The following ZNF875 variants were observed in gnomAD, a reference collection of about 807,000 sequenced individuals.
The protein encoded by ZNF875 is zinc finger protein 875, also known as HKR1, GLI-Kruppel zinc finger family member.
ZNF875 carries 14 observed loss-of-function variants against 11.2 expected under a neutral mutation model. The ratio of observed to expected loss-of-function variants is 1.26; its 90% CI spans 0.83 to 1.96. The LOEUF (loss-of-function observed/expected upper bound fraction) is 1.96, where lower values mean the gene tolerates loss of function less well. ZNF875 is among the 30% of genes most tolerant of loss of function. The pLI, the probability that ZNF875 is intolerant of heterozygous loss-of-function variation, is 0.00. For missense variants in ZNF875, 752 were observed against 760.4 expected (o/e 0.99, Z 0.13); for synonymous variants, 301 against 281.1 (o/e 1.07, Z -0.71).
At chr19:37,344,919 C>T in intron 2 of ZNF875, 1 of 653,016 alleles carries the variant, frequency 1.5e-6, no homozygotes, top group East Asian at 2.8e-5. Context: ...ACCTGAATAG[C>T]CTTTTTCTCT....
chr19:37,347,649 T>C (rs959328407), intron 3 of ZNF875, 128 bp from the exon 4 acceptor site: 152 of 661,878 alleles, frequency 2.3e-4, no homozygotes, highest in Non-Finnish European at 4.9e-5. Flanking sequence ...ACCCTTCTAC[T>C]TCAGAGAGAG....
chr19:37,352,524 G>A (rs1008211929), intron 4 of ZNF875, among the ~76,000 whole-genome samples: 1 of 152,068 alleles, frequency 6.6e-6, no homozygotes, highest in Admixed American at 6.6e-5. Context: ...GATTACAGAC[G>A]TGAGCCACCA....
chr19:37,362,334 C>G lies in ZNF875; in HGVS notation c.482C>G (p.Ser161Cys). 3 of 1,614,106 alleles carry G rather than the reference C, an allele frequency of 1.9e-6. No individual in the cohort carries two copies. Among genetic ancestry groups the G allele is most frequent in the Non-Finnish European group, 8.5e-7 (1 of 1,180,010 alleles). Residue 161 changes from serine to cysteine, a missense_variant, in exon 5 of 5, where the codon TCC (serine) becomes TGC (cysteine). Ser to Cys is a moderately radical substitution (Grantham distance 112). Coordinates refer to ENST00000392153, the MANE Select transcript of ZNF875 (RefSeq NM_001353803.2). ...KAEWIQEGED[S>C]RLLFGRVSKN... is the part of the protein sequence containing the mutation. ...GAATGGATTCAAGAGGGAGAAGACT[C>G]CAGACTCCTGTTTGGGAGAGTAAGC...
At chr19:37,323,231 G>A (rs1316242556) in intron 2 of ZNF875, among the ~76,000 whole-genome samples, 1 of 151,672 alleles carries the variant, frequency 6.6e-6, no homozygotes, top group African/African-American at 2.4e-5. Flanking sequence ...TTGGCTCACT[G>A]CAACCTCCGT....
chr19:37,345,831 A>G (rs750115525), intron 2 of ZNF875, among the ~76,000 whole-genome samples: 16 of 152,230 alleles, frequency 1.1e-4, no homozygotes, highest in Non-Finnish European at 1.9e-4. Flanking sequence ...GAAGAATCCC[A>G]GTGCTAGATT....
Position 37,363,354 on chromosome 19 carries a change from CAGG to C in ZNF875, c.1503_1505del (p.Gly502del), listed in dbSNP as rs1568674995. On this transcript the variant is annotated inframe_deletion, in exon 5 of 5. Transcript: ENST00000392153. ...CTGAGCACGCACCAGAGGACACACT[CAGG>C]GGAGAAGCCATTTGTATGTGCTGAG... The C allele has an allele frequency of 6.2e-7, 1 of 1,611,080 alleles. No individual in the cohort carries two copies. The highest frequency in any genetic ancestry group is 2.2e-5 in the East Asian group (1 of 44,768).
upstream of ZNF875, among the ~76,000 whole-genome samples, chr19:37,316,553 A>G (rs930476188): frequency 2.0e-5 from 3 of 151,316 alleles, no homozygotes; most frequent in Non-Finnish European, 4.4e-5. Context: ...TTTTTTTAGT[A>G]GAGACGGAGT....
chr19:37,331,255 G>A (rs1391793624), upstream of ZNF875, among the ~76,000 whole-genome samples: 4 of 117,242 alleles, frequency 3.4e-5, no homozygotes, highest in Non-Finnish European at 6.7e-5. Flanking sequence ...TTTTTTGAGA[G>A]TCTCGCTCTT....
Position 37,352,398 on chromosome 19 carries a change from G to A in ZNF875, c.256+4526G>A, listed in dbSNP as rs541934126. Among the ~76,000 whole-genome samples, 107 of 151,962 alleles carry A rather than the reference G, an allele frequency of 7.0e-4. 1 individual carries two copies. The highest frequency in any genetic ancestry group is 2.0e-3 in the African/African-American group (82 of 41,448). ...TGGGATTACAGGTGCCCACTACCAC[G>A]CCTGGCTAATTTTTTTCCTATTTTT... On this transcript the variant is annotated intron_variant, in intron 4 of 4. Transcript: ENST00000392153.
intron 4 of ZNF875, among the ~76,000 whole-genome samples, chr19:37,358,379 C>T (rs1568647873): frequency 6.6e-6 from 1 of 151,792 alleles, no homozygotes; most frequent in Non-Finnish European, 1.5e-5. Flanking sequence ...TCGTGATCCG[C>T]CCGCCTCAGC....
At chr19:37,315,940 AC>A (rs2030160714), upstream of ZNF875, among the ~76,000 whole-genome samples, 1 of 152,142 alleles carries the variant, frequency 6.6e-6, no homozygotes, top group African/African-American at 2.4e-5. Flanking sequence ...ATTCGATCAG[AC>A]TTTAGGATCT....
upstream of ZNF875, among the ~76,000 whole-genome samples, chr19:37,330,304 A>C (rs1297767118): frequency 6.6e-6 from 1 of 152,032 alleles, no homozygotes; most frequent in Non-Finnish European, 1.5e-5. Flanking sequence ...TCAGCTCCTG[A>C]TGTCTTCCAT....
In ZNF875 at chr19:37,362,892, T is replaced by G; in HGVS notation, c.1040T>G (p.Phe347Cys). ...GTGTGCAAGGAATGTGGGCAGAGCT[T>G]TAGCCTGAAGTCAAACCTCATTACC... ...PYVCKECGQS[F>C]SLKSNLITHQ... Residue 347 changes from phenylalanine (F) to cysteine (C), a missense_variant, in exon 5 of 5, where the codon TTT becomes TGT. Transcript: ENST00000392153. 1.2e-6 allele frequency: 2 copies of G among 1,614,082 alleles called. No individual in the cohort carries two copies. The highest frequency in any genetic ancestry group is 1.7e-6 in the Non-Finnish European group (2 of 1,180,010).
intron 2 of ZNF875, among the ~76,000 whole-genome samples, chr19:37,342,391 C>T (rs1457966243): frequency 6.6e-6 from 1 of 150,474 alleles, no homozygotes; most frequent in South Asian, 2.1e-4. Flanking sequence ...TTATATGTCA[C>T]TAGAAACATC....
At chr19:37,355,017 A>G (rs2146493687) in intron 4 of ZNF875, among the ~76,000 whole-genome samples, 1 of 152,338 alleles carries the variant, frequency 6.6e-6, no homozygotes, top group South Asian at 2.1e-4. Flanking sequence ...ATATGTTATT[A>G]TATAAATGGC....
chr19:37,329,891 G>T (rs2033114897), upstream of ZNF875, among the ~76,000 whole-genome samples: 1 of 152,046 alleles, frequency 6.6e-6, no homozygotes, highest in South Asian at 2.1e-4. Context: ...GTGGCTATAG[G>T]TGATAAACCA....
In ZNF875 at chr19:37,362,847, A is replaced by G. The variant is rs1260592874; in HGVS notation, c.995A>G (p.His332Arg). Residue 332 changes from histidine (H) to arginine (R), a missense_variant, in exon 5 of 5, where the codon CAC (histidine) becomes CGC (arginine). By Grantham distance (29) the His-to-Arg change is conservative (BLOSUM62 0). Coordinates refer to ENST00000392153, the MANE Select transcript of ZNF875 (RefSeq NM_001353803.2). ...AACCTCTTTACACATCAGCGGACACACTCAGGGCTCAAGCCTTATGTGTGC... is the reference window on the plus strand; with the variant it reads ...AACCTCTTTACACATCAGCGGACACGCTCAGGGCTCAAGCCTTATGTGTGC... ...KSNLFTHQRT[H>R]SGLKPYVCKE... 10 of 1,614,006 alleles carry G rather than the reference A, an allele frequency of 6.2e-6. No homozygotes were observed. The highest frequency in any genetic ancestry group is 8.5e-6 in the Non-Finnish European group (10 of 1,180,026).
chr19:37,344,421 C>T (rs1391003538), intron 2 of ZNF875, among the ~76,000 whole-genome samples: 1 of 152,166 alleles, frequency 6.6e-6, no homozygotes, highest in Non-Finnish European at 1.5e-5. Flanking sequence ...AGGGAACACA[C>T]ATTGAGCCAG....
In ZNF875 at chr19:37,362,679, A is replaced by G. The variant is rs749000957; in HGVS notation, c.827A>G (p.His276Arg). 6.2e-7 allele frequency: 1 copy of G among 1,612,890 alleles called. No homozygotes were observed. Among genetic ancestry groups the G allele is most frequent in the Non-Finnish European group, 8.5e-7 (1 of 1,179,430 alleles). ...MSVLIKNPRT[H>R]SGGKPYVCRE... is the part of the protein sequence containing the mutation. ...GTCCTCATCAAAAACCCAAGGACAC[A>G]CTCTGGGGGAAAGCCTTATGTGTGC... The change falls in exon 5 of 5, where the codon CAC (histidine) becomes CGC (arginine). Residue 276 changes from histidine to arginine, a missense_variant. By Grantham distance (29) the His-to-Arg change is conservative. Transcript: ENST00000392153.
Sources: gnomAD v4.1 joint callset for allele counts (sites outside exome capture counted in the v4.1 genomes callset) on GRCh38, gnomAD v4.1.1 for gene constraint, MANE v1.5 for transcripts, NCBI Gene and HGNC (gene_info 2026-07-23, HGNC 2026-07-21) for gene names.